The following FAM151B variants were observed in gnomAD, a reference collection of about 807,000 sequenced individuals.
The protein encoded by FAM151B is protein FAM151B.
A neutral mutation model predicts 31.2 loss-of-function variants in FAM151B; 24 were observed. The ratio of observed to expected loss-of-function variants is 0.77; its 90% CI spans 0.56 to 1.08. The LOEUF (loss-of-function observed/expected upper bound fraction) is 1.08. Among genes scored for constraint, FAM151B ranks in the 50% least tolerant of loss-of-function variants. The pLI is 0.00. For missense variants in FAM151B, 293 were observed against 328.6 expected (o/e 0.89, Z 0.84); for synonymous variants, 105 against 111.4 (o/e 0.94, Z 0.36).
chr5:80,490,851 T>C (rs1224632487), intron 1 of FAM151B, among the ~76,000 whole-genome samples: 1 of 152,202 alleles, frequency 6.6e-6, no homozygotes. Flanking sequence ...TTGGGTATAG[T>C]GAATAATGCT....
At chr5:80,517,859 G>GT (rs1211855873) in intron 3 of FAM151B, among the ~76,000 whole-genome samples, 1 of 152,026 alleles carries the variant, frequency 6.6e-6, no homozygotes, top group Admixed American at 6.6e-5. Context: ...ATCACTTGAG[G>GT]TCAGGAGTTC....
chr5:80,532,163 G>T (rs1436452722), intron 5 of FAM151B, among the ~76,000 whole-genome samples: 1 of 137,434 alleles, frequency 7.3e-6, no homozygotes, highest in Admixed American at 8.5e-5. Flanking sequence ...GGTGGGAATC[G>T]AACAATGAGA....
intron 1 of FAM151B, chr5:80,498,649 G>T: frequency 2.8e-6 from 2 of 704,568 alleles, no homozygotes; most frequent in East Asian, 2.8e-5. Context: ...CGACAAAGGT[G>T]TCTAATTTTG....
Position 80,525,977 on chromosome 5 carries a change from T to A in FAM151B, c.671+3839T>A, listed in dbSNP as rs751227463. Among the ~76,000 whole-genome samples, 192 of 152,166 alleles carry A rather than the reference T, an allele frequency of 1.3e-3. 1 individual carries two copies. Among genetic ancestry groups the A allele is most frequent in the Non-Finnish European group, 2.0e-3 (136 of 68,000 alleles). On this transcript the variant is annotated intron_variant, in intron 5 of 5. Coordinates refer to ENST00000282226, the MANE Select transcript of FAM151B (RefSeq NM_205548.3). Reference sequence around the variant, plus strand: ...TTTATACTAGGTGTGTATATATATATAAAATGCATATACATATATATGAAG... The same window carrying A: ...TTTATACTAGGTGTGTATATATATAAAAAATGCATATACATATATATGAAG...
At chr5:80,507,199 A>G (rs1156444736) in intron 2 of FAM151B, among the ~76,000 whole-genome samples, 1 of 151,514 alleles carries the variant, frequency 6.6e-6, no homozygotes, top group Non-Finnish European at 1.5e-5. Context: ...GGATATTTGT[A>G]TTTGTTAGAA....
At chr5:80,515,093 T>G (rs1275780295) in intron 3 of FAM151B, among the ~76,000 whole-genome samples, 1 of 151,846 alleles carries the variant, frequency 6.6e-6, no homozygotes, top group African/African-American at 2.4e-5. Context: ...TACAGAAAAT[T>G]AGCCAGGCAT....
chr5:80,510,483 T>C (rs1744139614), intron 2 of FAM151B, among the ~76,000 whole-genome samples: 1 of 152,222 alleles, frequency 6.6e-6, no homozygotes, highest in African/African-American at 2.4e-5. Flanking sequence ...TCCACTACCT[T>C]CTGTTGGTCA....
chr5:80,538,992 CTTTT>C (rs11309479), intron 5 of FAM151B, among the ~76,000 whole-genome samples: 24 of 117,094 alleles, frequency 2.0e-4, no homozygotes, highest in Admixed American at 2.7e-4. Context: ...TTTCCTTCCT[CTTTT>C]TTTTTTTTTT....
chr5:80,494,000 C>T (rs1418090439), intron 1 of FAM151B, among the ~76,000 whole-genome samples: 2 of 152,154 alleles, frequency 1.3e-5, no homozygotes, highest in Non-Finnish European at 2.9e-5. Flanking sequence ...CCCCTGGAGA[C>T]CCAGCTGTAA....
At chr5:80,512,948 TG>T (rs1316214577) in intron 2 of FAM151B, among the ~76,000 whole-genome samples, 7 of 152,150 alleles carry the variant, frequency 4.6e-5, no homozygotes, top group Admixed American at 4.6e-4. Flanking sequence ...TTCGAGATTA[TG>T]GCATTTGGGG....
intron 1 of FAM151B, among the ~76,000 whole-genome samples, chr5:80,489,841 G>A (rs1009913007): frequency 7.9e-5 from 12 of 151,464 alleles, no homozygotes; most frequent in Non-Finnish European, 1.5e-4. Context: ...GCAGAATGGC[G>A]TGAACCCGGG....
chr5:80,541,701 AATG>A lies in FAM151B; in HGVS notation c.703_705del (p.Asp235del). The A allele has an allele frequency of 6.2e-7, 1 of 1,613,664 alleles. No individual in the cohort carries two copies. Among genetic ancestry groups the A allele is most frequent in the Non-Finnish European group, 8.5e-7 (1 of 1,179,798 alleles). On this transcript the variant is annotated inframe_deletion, in exon 6 of 6. Coordinates refer to ENST00000282226, the MANE Select transcript of FAM151B (RefSeq NM_205548.3). The stretch of plus-strand genomic sequence containing the variant: ...CAGCCTGACTATTTGGACTGGAAAA[AATG>A]ATAACTATTCCGTTGAAGATTTACT...
chr5:80,505,404 TTC>T lies in FAM151B; in HGVS notation c.151+3489_151+3490del, dbSNP rs1333969698. ...AACATCCATTGAGTTCTTTTTTTTT[TTC>T]TTTTTTGAGACAGAGTCTCACTCTG... is the stretch of plus-strand genomic sequence containing the variant. On this transcript the variant is annotated intron_variant, in intron 2 of 5. Coordinates refer to ENST00000282226, the MANE Select transcript of FAM151B (RefSeq NM_205548.3). Among the ~76,000 whole-genome samples the T allele has an allele frequency of 1.9e-4, 27 of 145,850 alleles. 1 individual carries two copies. The highest frequency in any genetic ancestry group is 3.2e-4 in the African/African-American group (12 of 37,070).
intron 1 of FAM151B, among the ~76,000 whole-genome samples, chr5:80,493,477 T>G (rs1305024847): frequency 6.6e-6 from 1 of 152,156 alleles, no homozygotes; most frequent in East Asian, 1.9e-4. Flanking sequence ...CCTGCGGGGT[T>G]GGGCAGAATC....
chr5:80,538,471 T>C (rs1471684027), intron 5 of FAM151B, among the ~76,000 whole-genome samples: 4 of 122,774 alleles, frequency 3.3e-5, no homozygotes, highest in Non-Finnish European at 5.2e-5. Flanking sequence ...TCTTTCTTTC[T>C]TTCTTTCTTT....
rs1048669753 is a variant in FAM151B, at chr5:80,488,269, G to T, written c.25+121G>T. On this transcript the variant is annotated intron_variant, in intron 1 of 5. Transcript: ENST00000282226. ...TGCTAGGGACCTGGGAGCGCGCCGC[G>T]CAGAACCGGGCGGCTGGGCTTGGAG... The T allele has an allele frequency of 5.6e-6, 7 of 1,242,390 alleles. No individual in the cohort carries two copies. In the African/African-American group the frequency reaches 1.1e-4, roughly 20 times the overall value. 77.0% of individuals were successfully genotyped at this position (1,242,390 alleles called of 1,614,324 possible).
At chr5:80,525,086 C>A (rs1022766399) in intron 5 of FAM151B, among the ~76,000 whole-genome samples, 136 of 152,222 alleles carry the variant, frequency 8.9e-4, no homozygotes, top group African/African-American at 3.2e-3. Flanking sequence ...AAGCAAAGAG[C>A]CTTAGAGATT....
At position 80,542,507 on chromosome 5, in the gene FAM151B, C is replaced by T. The variant is rs980830037; in HGVS notation, c.*675C>T. The T allele has an allele frequency of 6.6e-6, 1 of 151,936 alleles. No homozygotes were observed. Among genetic ancestry groups the T allele is most frequent in the Non-Finnish European group, 1.5e-5 (1 of 67,976 alleles). 9.4% of individuals were successfully genotyped at this position (151,936 alleles called of 1,614,324 possible). A position where few individuals can be genotyped will look rare whatever the true frequency, so the allele number is the denominator to read the frequency against. On this transcript the variant is annotated 3_prime_UTR_variant, in exon 6 of 6. Transcript: ENST00000282226. ...TATGTATCATTTGTTTTCCAAGTTT[C>T]TTACTGCCACCACCTTCATTCAGGT...
In FAM151B at chr5:80,519,791, A is replaced by G. The variant is rs1010246934; in HGVS notation, c.416A>G (p.Asn139Ser). 4 of 1,614,188 alleles carry G rather than the reference A, an allele frequency of 2.5e-6. No homozygotes were observed. Among genetic ancestry groups the G allele is most frequent in the Non-Finnish European group, 3.4e-6 (4 of 1,180,022 alleles). The change falls in exon 4 of 6, where the codon AAT becomes AGT. Residue 139 changes from asparagine to serine, a missense_variant. Physicochemically the swap from Asn to Ser is conservative, Grantham distance 46 (BLOSUM62 1). Transcript: ENST00000282226. ...AATGCCGATATTCTTCCTGGTCCAA[A>G]TGGAAATAGCAAAGTAATAGATGCA... ...WINADILPGP[N>S]GNSKVIDAKP...
Sources: gnomAD v4.1 joint callset for allele counts (sites outside exome capture counted in the v4.1 genomes callset) on GRCh38, gnomAD v4.1.1 for gene constraint, MANE v1.5 for transcripts, NCBI Gene and HGNC (gene_info 2026-07-23, HGNC 2026-07-21) for gene names.